Variants in MAGEL2 observed in about 807,000 individuals in gnomAD.
MAGEL2 encodes MAGE family member L2.
For synonymous variants in MAGEL2, 792 were observed against 721.7 expected, an observed-to-expected ratio of 1.10 and a Z score of -1.56; for missense variants, 1,830 against 1,699.2, an observed-to-expected ratio of 1.08 and a Z score of -1.35.
chr15:23,645,752 G>C lies in MAGEL2; in HGVS notation c.1991C>G (p.Pro664Arg), dbSNP rs201935129. 4.4e-6 allele frequency: 7 copies of C among 1,575,874 alleles called. No individual in the cohort carries two copies. In the South Asian group the frequency reaches 5.9e-5, roughly 13 times the overall value. ...PSQKAVQIQLPPQQAQASGPQ... is the reference protein window; with the variant it reads ...PSQKAVQIQLRPQQAQASGPQ... The stretch of plus-strand genomic sequence containing the variant: ...ACCCGATGCCTGGGCCTGCTGGGGG[G>C]GTAGCTGGATTTGCACGGCTTTTTG... The change falls in exon 1 of 1, where the codon CCC (proline) becomes CGC (arginine). Residue 664 changes from proline (P) to arginine (R), a missense_variant. Coordinates refer to ENST00000650528, the MANE Select transcript of MAGEL2 (RefSeq NM_019066.5).
rs1439074097 is a variant in MAGEL2 at position 23,647,002 on chromosome 15, G to A, written c.741C>T (p.Val247=). The A allele has an allele frequency of 2.6e-6, 4 of 1,536,592 alleles. No individual in the cohort carries two copies. In the South Asian group the frequency reaches 4.8e-5, roughly 18 times the overall value. Residue 247 remains valine, a synonymous_variant, in exon 1 of 1, where the codon GTC becomes GTT. Transcript: ENST00000650528. ...VLMAQPLTPG[V]LMVQPAAPGA... Reference sequence around the variant, plus strand: ...CCGGAGCAGCAGGCTGGACCATCAGGACTCCCGGAGTCAGAGGCTGGGCCA... The same window carrying A: ...CCGGAGCAGCAGGCTGGACCATCAGAACTCCCGGAGTCAGAGGCTGGGCCA...
Position 23,644,995 on chromosome 15 carries a change from A to C in MAGEL2, c.2748T>G (p.Asn916Lys), listed in dbSNP as rs777681443. The C allele has an allele frequency of 6.8e-6, 11 of 1,613,752 alleles. No individual in the cohort carries two copies. The highest frequency in any genetic ancestry group is 1.1e-5 in the South Asian group (1 of 91,076). ...HDWQGPRPWE[N>K]LNLSDWEVQS... Reference sequence around the variant, plus strand: ...GGACCTCCCAGTCACTCAGATTTAGATTCTCCCAGGGCCTTGGGCCCTGCC... The same window carrying C: ...GGACCTCCCAGTCACTCAGATTTAGCTTCTCCCAGGGCCTTGGGCCCTGCC... Residue 916 changes from asparagine to lysine, a missense_variant, in exon 1 of 1, where the codon AAT becomes AAG. By Grantham distance (94) the Asn-to-Lys change is moderately conservative. Transcript: ENST00000650528.
chr15:23,647,463 G>T lies in MAGEL2; in HGVS notation c.280C>A (p.Pro94Thr). ...ALGGPIVPAP[P>T]LGGPMGKPPT... ...GGCTTACCCATCGGGCCCCCCAGCGGGGGAGCCGGGACTATCGGGCCCCCT... is the reference window on the plus strand; with the variant it reads ...GGCTTACCCATCGGGCCCCCCAGCGTGGGAGCCGGGACTATCGGGCCCCCT... The change falls in exon 1 of 1, where the codon CCG becomes ACG. Residue 94 changes from proline to threonine, a missense_variant. Coordinates refer to ENST00000650528, the MANE Select transcript of MAGEL2 (RefSeq NM_019066.5). 1 of 1,534,424 alleles carries T rather than the reference G, an allele frequency of 6.5e-7. No individual in the cohort carries two copies. The highest frequency in any genetic ancestry group is 1.2e-5 in the South Asian group (1 of 83,850).
rs866605893 is a variant in MAGEL2 at position 23,645,261 on chromosome 15, C to A, written c.2482G>T (p.Val828Leu). ...PYALQDPFAC[V>L]EALPAVPWVP... ...CATGGAACTGCAGGCAGGGCCTCTA[C>A]ACAGGCAAAGGGATCCTGCAGAGCA... is the stretch of plus-strand genomic sequence containing the variant. The change falls in exon 1 of 1, where the codon GTA becomes TTA. Residue 828 changes from valine (V) to leucine (L), a missense_variant. Physicochemically the swap from Val to Leu is conservative, Grantham distance 32. Coordinates refer to ENST00000650528, the MANE Select transcript of MAGEL2 (RefSeq NM_019066.5). 1 of 1,613,950 alleles carries A rather than the reference C, an allele frequency of 6.2e-7. No individual in the cohort carries two copies.
Position 23,644,035 on chromosome 15 carries a change from A to G in MAGEL2, c.3708T>C (p.Gly1236=). The G allele has an allele frequency of 6.2e-7, 1 of 1,610,860 alleles. No homozygotes were observed. The highest frequency in any genetic ancestry group is 1.1e-5 in the South Asian group (1 of 90,648). Residue 1236 remains glycine, a synonymous_variant, in exon 1 of 1, where the codon GGT becomes GGC. Transcript: ENST00000650528. The stretch of plus-strand genomic sequence containing the variant: ...TGCTGGTGGGGCCGTGGGCACTGTC[A>G]CCGGTGTCAGGTTCATCCTCATCTG... ...EDTDEDEPDT[G]DSAHGPTSRP...
rs756210530 is a variant in MAGEL2, at chr15:23,644,312, C to A, written c.3431G>T (p.Arg1144Leu). Reference sequence around the variant, plus strand: ...ATTTCCAAAGAGACCGTTTGTCTCCCGGACATCCAACCCTAACTTGAACAG... The same window carrying A: ...ATTTCCAAAGAGACCGTTTGTCTCCAGGACATCCAACCCTAACTTGAACAG... ...NFLFKLGLDV[R>L]ETNGLFGNTK... The change falls in exon 1 of 1, where the codon CGG becomes CTG. Residue 1144 changes from arginine (R) to leucine (L), a missense_variant. Coordinates refer to ENST00000650528, the MANE Select transcript of MAGEL2 (RefSeq NM_019066.5). 1 of 1,613,576 alleles carries A rather than the reference C, an allele frequency of 6.2e-7. No homozygotes were observed. The highest frequency in any genetic ancestry group is 1.3e-5 in the African/African-American group (1 of 74,888).
Position 23,646,436 on chromosome 15 carries a change from A to G in MAGEL2, c.1307T>C (p.Leu436Pro). 1 of 1,403,510 alleles carries G rather than the reference A, an allele frequency of 7.1e-7. No individual in the cohort carries two copies. Among genetic ancestry groups the G allele is most frequent in the Non-Finnish European group, 9.2e-7 (1 of 1,090,432 alleles). The allele number at this position is 1,403,510 out of a possible 1,614,324, so 86.9% of individuals were successfully genotyped here. A position where few individuals can be genotyped will look rare whatever the true frequency, so the allele number is the denominator to read the frequency against. ...GPPPVRQAPPLIRQAPPVIRQ... is the reference protein window; with the variant it reads ...GPPPVRQAPPPIRQAPPVIRQ... ...GATCACCGGTGGGGCCTGGCGGATC[A>G]GCGGTGGGGCCTGTCGCACCGGTGG... The change falls in exon 1 of 1, where the codon CTG becomes CCG. Residue 436 changes from leucine (L) to proline (P), a missense_variant. Physicochemically the swap from Leu to Pro is moderately conservative, Grantham distance 98. Coordinates refer to ENST00000650528, the MANE Select transcript of MAGEL2 (RefSeq NM_019066.5). The surrounding 1 kb of genome is among the most constrained non-coding windows in gnomAD (Gnocchi z 4.2).
At position 23,643,991 on chromosome 15, in the gene MAGEL2, T is replaced by G. The variant is rs778020558; in HGVS notation, c.*2A>C. On this transcript the variant is annotated 3_prime_UTR_variant, in exon 1 of 1. Transcript: ENST00000650528. ...ACAGGAGCGAGATCTCTGCTACACC[T>G]ATTAGCGGGGAGGGGGCCTGCTGGT... 1.3e-6 allele frequency: 2 copies of G among 1,587,532 alleles called. No homozygotes were observed. Among genetic ancestry groups the G allele is most frequent in the Non-Finnish European group, 1.7e-6 (2 of 1,164,774 alleles).
chr15:23,645,413 G>A lies in MAGEL2; in HGVS notation c.2330C>T (p.Pro777Leu), dbSNP rs1468929663. 6.2e-7 allele frequency: 1 copy of A among 1,614,034 alleles called. No individual in the cohort carries two copies. Among genetic ancestry groups the A allele is most frequent in the Non-Finnish European group, 8.5e-7 (1 of 1,179,900 alleles). ...AHLPAAWKNL[P>L]ATPETFAPSS... is the part of the protein sequence containing the mutation. ...GGGAGCAAAGGTCTCCGGTGTGGCA[G>A]GCAGGTTTTTCCAGGCAGCTGGCAG... Residue 777 changes from proline to leucine, a missense_variant, in exon 1 of 1, where the codon CCT becomes CTT. Coordinates refer to ENST00000650528, the MANE Select transcript of MAGEL2 (RefSeq NM_019066.5).
In MAGEL2 at chr15:23,647,793, T is replaced by C; in HGVS notation, c.-51A>G. The C allele has an allele frequency of 7.0e-7, 1 of 1,422,672 alleles. No individual in the cohort carries two copies. The highest frequency in any genetic ancestry group is 9.2e-7 in the Non-Finnish European group (1 of 1,092,048). The allele number at this position is 1,422,672 out of a possible 1,614,324, so 88.1% of individuals were successfully genotyped here. A position where few individuals can be genotyped will look rare whatever the true frequency, so the allele number is the denominator to read the frequency against. On this transcript the variant is annotated 5_prime_UTR_variant, in exon 1 of 1. Transcript: ENST00000650528. ...CTTTTCCTCGGACAGCTGCTGGGCC[T>C]TTTCCTCCAGAGAGAAGAGAATGCC...
rs1221929187 is a variant in MAGEL2, at chr15:23,644,153, A to G, written c.3590T>C (p.Val1197Ala). Reference sequence around the variant, plus strand: ...ATGGAGCTTGGCCAAAAACCTCAGGACAAGCATCTTGCTGGTTTCCAGGAA... The same window carrying G: ...ATGGAGCTTGGCCAAAAACCTCAGGGCAAGCATCTTGCTGGTTTCCAGGAA... ...RAFLETSKML[V>A]LRFLAKLHKK... Residue 1197 changes from valine to alanine, a missense_variant, in exon 1 of 1, where the codon GTC (valine) becomes GCC (alanine). By Grantham distance (64) the Val-to-Ala change is moderately conservative. Transcript: ENST00000650528. The G allele has an allele frequency of 1.2e-6, 2 of 1,613,926 alleles. No homozygotes were observed. The highest frequency in any genetic ancestry group is 3.3e-5 in the Admixed American group (2 of 60,018).
In MAGEL2 at chr15:23,644,782, G is replaced by C. The variant is rs1288038161; in HGVS notation, c.2961C>G (p.Ser987Arg). Residue 987 changes from serine to arginine, a missense_variant, in exon 1 of 1, where the codon AGC (serine) becomes AGG (arginine). By Grantham distance (110) the Ser-to-Arg change is moderately radical (BLOSUM62 -1). Coordinates refer to ENST00000650528, the MANE Select transcript of MAGEL2 (RefSeq NM_019066.5). ...CCTCAGACACAACTACGGGCAGAGA[G>C]CTCCCTGGGCTTTCAGAGAGACCCA... The part of the protein sequence containing the change: ...RALGLSESPG[S>R]SLPVVVSEVA... 1 of 1,613,502 alleles carries C rather than the reference G, an allele frequency of 6.2e-7. No homozygotes were observed. Among genetic ancestry groups the C allele is most frequent in the Non-Finnish European group, 8.5e-7 (1 of 1,179,876 alleles).
Position 23,644,891 on chromosome 15 carries a change from G to A in MAGEL2, c.2852C>T (p.Thr951Ile). The A allele has an allele frequency of 6.2e-7, 1 of 1,612,944 alleles. No homozygotes were observed. ...TTCCCAGCCACTCAGGATCCTGGAG[G>A]TGCTAGGGCCCTCCCAACCACTCAG... ...RGLSGWEGPS[T>I]SRILSGWEGP... The change falls in exon 1 of 1, where the codon ACC becomes ATC. Residue 951 changes from threonine (T) to isoleucine (I), a missense_variant. Coordinates refer to ENST00000650528, the MANE Select transcript of MAGEL2 (RefSeq NM_019066.5).
Position 23,646,130 on chromosome 15 carries a change from G to A in MAGEL2, c.1613C>T (p.Ala538Val), listed in dbSNP as rs1013540105. 4.8e-5 allele frequency: 65 copies of A among 1,356,424 alleles called. No individual in the cohort carries two copies. The highest frequency in any genetic ancestry group is 3.2e-5 in the Non-Finnish European group (34 of 1,062,996). The allele number at this position is 1,356,424 out of a possible 1,614,324, so 84.0% of individuals were successfully genotyped here. Residue 538 changes from alanine to valine, a missense_variant, in exon 1 of 1, where the codon GCG becomes GTG. By Grantham distance (64) the Ala-to-Val change is moderately conservative. Coordinates refer to ENST00000650528, the MANE Select transcript of MAGEL2 (RefSeq NM_019066.5). The surrounding 1 kb of genome is among the most constrained non-coding windows in gnomAD (Gnocchi z 4.2). ...QARLPAPQVQ[A>V]APQVPTAPPA... ...TGGGGCCGTAGGCACCTGCGGCGCC[G>A]CCTGCACCTGCGGGGCCGGCAGCCT...
At position 23,643,747 on chromosome 15, in the gene MAGEL2, C is replaced by A; in HGVS notation, c.*246G>T. On this transcript the variant is annotated 3_prime_UTR_variant, in exon 1 of 1. Coordinates refer to ENST00000650528, the MANE Select transcript of MAGEL2 (RefSeq NM_019066.5). ...TGATACCAAAACATAACAATTAAAA[C>A]ACAAAACAGAGAACCACAGATCTCA... 1 of 415,736 alleles carries A rather than the reference C, an allele frequency of 2.4e-6. No homozygotes were observed. The highest frequency in any genetic ancestry group is 8.5e-5 in the South Asian group (1 of 11,758). 25.8% of individuals were successfully genotyped at this position (415,736 alleles called of 1,614,324 possible).
In MAGEL2 at chr15:23,646,313, G is replaced by C. The variant is rs986429293; in HGVS notation, c.1430C>G (p.Pro477Arg). ...CACAGGTGGAGCCTGGCGGATCACAGGTGGGGCCTGGCGGATCACAGGTGG... is the reference window on the plus strand; with the variant it reads ...CACAGGTGGAGCCTGGCGGATCACACGTGGGGCCTGGCGGATCACAGGTGG... The part of the protein sequence containing the change: ...QAPPVIRQAP[P>R]VIRQAPPVIR... The change falls in exon 1 of 1, where the codon CCT (proline) becomes CGT (arginine). Residue 477 changes from proline (P) to arginine (R), a missense_variant. By Grantham distance (103) the Pro-to-Arg change is moderately radical. Transcript: ENST00000650528. The surrounding 1 kb of genome is among the most constrained non-coding windows in gnomAD (Gnocchi z 4.2). 4 of 1,376,452 alleles carry C rather than the reference G, an allele frequency of 2.9e-6. No individual in the cohort carries two copies. The highest frequency in any genetic ancestry group is 2.8e-6 in the Non-Finnish European group (3 of 1,076,678). 85.3% of individuals were successfully genotyped at this position (1,376,452 alleles called of 1,614,324 possible).
Position 23,647,514 on chromosome 15 carries a change from C to T in MAGEL2, c.229G>A (p.Val77Ile). ...APQGQLPAPV[V>I]PMTQPPALGG... is the part of the protein sequence containing the mutation. ...AGGGCAGGAGGCTGGGTCATCGGAACCACCGGGGCGGGCAGCTGGCCCTGT... is the reference window on the plus strand; with the variant it reads ...AGGGCAGGAGGCTGGGTCATCGGAATCACCGGGGCGGGCAGCTGGCCCTGT... The change falls in exon 1 of 1, where the codon GTT (valine) becomes ATT (isoleucine). Residue 77 changes from valine to isoleucine, a missense_variant. Val to Ile is a conservative substitution (Grantham distance 29). Coordinates refer to ENST00000650528, the MANE Select transcript of MAGEL2 (RefSeq NM_019066.5). 1 of 1,530,706 alleles carries T rather than the reference C, an allele frequency of 6.5e-7. No homozygotes were observed. The highest frequency in any genetic ancestry group is 8.7e-7 in the Non-Finnish European group (1 of 1,144,376). The allele number at this position is 1,530,706 out of a possible 1,614,324, so 94.8% of individuals were successfully genotyped here. A position where few individuals can be genotyped will look rare whatever the true frequency, so the allele number is the denominator to read the frequency against.
Position 23,647,808 on chromosome 15 carries a change from A to C in MAGEL2, c.-66T>G. On this transcript the variant is annotated 5_prime_UTR_variant, in exon 1 of 1. Coordinates refer to ENST00000650528, the MANE Select transcript of MAGEL2 (RefSeq NM_019066.5). ...CTGCTGGGCCTTTTCCTCCAGAGAG[A>C]AGAGAATGCCTACGTGGCTGTTCAG... 7.1e-7 allele frequency: 1 copy of C among 1,413,392 alleles called. No homozygotes were observed. Among genetic ancestry groups the C allele is most frequent in the Non-Finnish European group, 9.2e-7 (1 of 1,084,028 alleles). The allele number at this position is 1,413,392 out of a possible 1,614,324, so 87.6% of individuals were successfully genotyped here.
Position 23,645,591 on chromosome 15 carries a change from A to T in MAGEL2, c.2152T>A (p.Ser718Thr), listed in dbSNP as rs532340839. The T allele has an allele frequency of 1.9e-6, 3 of 1,605,768 alleles. No individual in the cohort carries two copies. Among genetic ancestry groups the T allele is most frequent in the Non-Finnish European group, 2.6e-6 (3 of 1,176,094 alleles). ...ATAGAAGAGGCCCTGCATTCTCCTG[A>T]TGGAGTCATCAATGATTTAGCGGAG... ...LGSAKSLMTP[S>T]GECRASSIDR... is the part of the protein sequence containing the mutation. Residue 718 changes from serine to threonine, a missense_variant, in exon 1 of 1, where the codon TCA becomes ACA. Physicochemically the swap from Ser to Thr is moderately conservative, Grantham distance 58. Coordinates refer to ENST00000650528, the MANE Select transcript of MAGEL2 (RefSeq NM_019066.5).
Sources: gnomAD v4.1 joint callset for allele counts on GRCh38, gnomAD v4.1.1 for gene constraint, Gnocchi (gnomAD v3.1) non-coding constraint, MANE v1.5 for transcripts, NCBI Gene and HGNC (gene_info 2026-07-23, HGNC 2026-07-21) for gene names.